FYB1: variants seen among roughly 807,000 people sequenced by gnomAD.
FYB1 encodes the protein FYN-binding protein 1.
FYB1 carries 41 observed loss-of-function variants against 94.1 expected under a neutral mutation model. The observed-to-expected ratio is 0.44, with a 90% CI of 0.34 to 0.57. The LOEUF (loss-of-function observed/expected upper bound fraction) is 0.57. Among genes scored for constraint, FYB1 ranks in the 20% least tolerant of loss-of-function variants. FYB1 has a pLI of 0.02. For missense variants in FYB1, 1,050 were observed against 976.8 expected, an observed-to-expected ratio of 1.07 and a Z score of -1.00; for synonymous variants, 367 against 353.2, an observed-to-expected ratio of 1.04 and a Z score of -0.44.
chr5:39,110,747 AT>A, intron 16 of FYB1: 1 of 329,364 alleles, frequency 3.0e-6, no homozygotes, highest in Non-Finnish European at 5.8e-6. Flanking sequence ...GTAAGCATAG[AT>A]TATAAAAGTC....
At chr5:39,114,744 A>G (rs775197504) in intron 16 of FYB1, among the ~76,000 whole-genome samples, 2 of 152,298 alleles carry the variant, frequency 1.3e-5, no homozygotes, top group Non-Finnish European at 2.9e-5. Context: ...TGTATGTCAG[A>G]CTTTCATCTG....
At position 39,183,862 on chromosome 5, in the gene FYB1, G is replaced by A. The variant is rs536073810; in HGVS notation, c.1135+17964C>T. Among the ~76,000 whole-genome samples the A allele has an allele frequency of 9.9e-5, 15 of 152,222 alleles. No homozygotes were observed. The East Asian group carries it at 2.9e-3, about 29-fold the overall frequency. On this transcript the variant is annotated intron_variant, in intron 2 of 18. Coordinates refer to ENST00000512982, the MANE Select transcript of FYB1 (RefSeq NM_001465.6). Reference sequence around the variant, plus strand: ...GATTCAGGAAGGGGGCTATGGTGGTGGTGGAATAAGGGCAGGAATCTTCAT... The same window carrying A: ...GATTCAGGAAGGGGGCTATGGTGGTAGTGGAATAAGGGCAGGAATCTTCAT...
intron 1 of FYB1, among the ~76,000 whole-genome samples, chr5:39,216,299 T>C (rs1413135631): frequency 6.6e-6 from 1 of 152,232 alleles, no homozygotes; most frequent in Non-Finnish European, 1.5e-5. Flanking sequence ...CATATATTTA[T>C]ATTAGCATAT....
rs975297864 is a variant in FYB1, at chr5:39,125,997, C to T, written c.2045+1G>A. ...ACTGGATTTGGTTGGTTGACTCTTA[C>T]GATGAACCTTCATTATTGTCTGAGT... is the stretch of plus-strand genomic sequence containing the variant. On this transcript the variant is annotated splice_donor_variant, in intron 12 of 18. Coordinates refer to ENST00000512982, the MANE Select transcript of FYB1 (RefSeq NM_001465.6). LOFTEE classifies it high-confidence loss of function. 3 of 1,612,826 alleles carry T rather than the reference C, an allele frequency of 1.9e-6. No individual in the cohort carries two copies. The highest frequency in any genetic ancestry group is 1.3e-5 in the African/African-American group (1 of 74,964).
intron 2 of FYB1, among the ~76,000 whole-genome samples, chr5:39,159,486 T>C (rs1744055603): frequency 6.6e-6 from 1 of 152,208 alleles, no homozygotes; most frequent in Non-Finnish European, 1.5e-5. Context: ...TTCTCAGGAC[T>C]GAGTCTCACT....
At chr5:39,170,393 T>C in intron 2 of FYB1, 1 of 657,826 alleles carries the variant, frequency 1.5e-6, no homozygotes, top group East Asian at 3.3e-5. Flanking sequence ...TGCACCGTGG[T>C]CTTGTCGCCG....
chr5:39,175,094 A>G (rs887095968), intron 2 of FYB1, among the ~76,000 whole-genome samples: 3 of 152,186 alleles, frequency 2.0e-5, no homozygotes, highest in Admixed American at 1.3e-4. Flanking sequence ...ATAAACAATA[A>G]GGAGGAGGGG....
chr5:39,152,298 G>GT (rs1370669380), intron 3 of FYB1, among the ~76,000 whole-genome samples: 1 of 152,066 alleles, frequency 6.6e-6, no homozygotes, highest in Non-Finnish European at 1.5e-5. Flanking sequence ...AAAAATGGTG[G>GT]TGTTTTTCCA....
At position 39,140,191 on chromosome 5, in the gene FYB1, T is replaced by C. The variant is rs539764405; in HGVS notation, c.1339+904A>G. 2.0e-5 allele frequency among the ~76,000 whole-genome samples: 3 copies of C among 152,328 alleles called. No individual in the cohort carries two copies. In the East Asian group the frequency reaches 5.8e-4, roughly 29 times the overall value. On this transcript the variant is annotated intron_variant, in intron 4 of 18. Transcript: ENST00000512982. ...TGAAGGACAGCATGGGCTAAGTTAATAGACAACTGACCGAATGGGAGAAGA... is the reference window on the plus strand; with the variant it reads ...TGAAGGACAGCATGGGCTAAGTTAACAGACAACTGACCGAATGGGAGAAGA...
chr5:39,138,464 CAG>C (rs2150325433), intron 6 of FYB1, 191 bp downstream of exon 6: 1 of 456,566 alleles, frequency 2.2e-6, no homozygotes, highest in East Asian at 3.7e-5. Flanking sequence ...AGCTTTTTAA[CAG>C]AGTCCTTTGT....
intron 2 of FYB1, among the ~76,000 whole-genome samples, chr5:39,185,595 TAC>T (rs1166788820): frequency 6.9e-6 from 1 of 145,270 alleles, no homozygotes; most frequent in Non-Finnish European, 1.5e-5. Context: ...TACATATATA[TAC>T]ATATATATAC....
chr5:39,192,359 A>T (rs1333754393), intron 2 of FYB1, among the ~76,000 whole-genome samples: 1 of 152,242 alleles, frequency 6.6e-6, no homozygotes, highest in African/African-American at 2.4e-5. Context: ...TGATCAAATT[A>T]GGTAAATCAT....
intron 1 of FYB1, among the ~76,000 whole-genome samples, chr5:39,213,485 T>G (rs951472278): frequency 3.3e-5 from 5 of 152,172 alleles, no homozygotes; most frequent in African/African-American, 1.2e-4. Flanking sequence ...TTGTCCTACT[T>G]ATGGTTGTGA....
At chr5:39,175,971 A>G (rs1269527510) in intron 2 of FYB1, among the ~76,000 whole-genome samples, 1 of 151,974 alleles carries the variant, frequency 6.6e-6, no homozygotes, top group Non-Finnish European at 1.5e-5. Flanking sequence ...CACTCATTTT[A>G]TAGCTGAGAT....
intron 1 of FYB1, among the ~76,000 whole-genome samples, chr5:39,257,017 T>G (rs1751970057): frequency 6.6e-6 from 1 of 152,250 alleles, no homozygotes; most frequent in East Asian, 1.9e-4. Context: ...TCACTAGATT[T>G]CACAGAAATA....
intron 3 of FYB1, among the ~76,000 whole-genome samples, chr5:39,144,838 A>G (rs1269533824): frequency 6.6e-6 from 1 of 152,128 alleles, no homozygotes; most frequent in Non-Finnish European, 1.5e-5. Flanking sequence ...AATACAAAAC[A>G]TATATGCCAA....
intron 1 of FYB1, among the ~76,000 whole-genome samples, chr5:39,231,163 A>AAAAAAAAAC (rs1554042765): frequency 3.6e-3 from 431 of 118,360 alleles, no homozygotes; most frequent in Non-Finnish European, 4.5e-3. Context: ...AAAAAAAAAC[A>AAAAAAAAAC]AAAAAAAACA....
intron 17 of FYB1, among the ~76,000 whole-genome samples, chr5:39,109,604 T>C (rs1469706415): frequency 1.3e-5 from 2 of 152,156 alleles, no homozygotes; most frequent in African/African-American, 2.4e-5. Flanking sequence ...TGTGTTTTTC[T>C]GATTGGTGTC....
rs78361437 is a variant in FYB1, at chr5:39,139,131, G to T, written c.1359+102C>A. 742 of 1,172,772 alleles carry T rather than the reference G, an allele frequency of 6.3e-4. 5 individuals carry two copies. In the African/African-American group the frequency reaches 0.011, roughly 17 times the overall value. 72.6% of individuals were successfully genotyped at this position (1,172,772 alleles called of 1,614,324 possible). A position where few individuals can be genotyped will look rare whatever the true frequency, so the allele number is the denominator to read the frequency against. On this transcript the variant is annotated intron_variant, in intron 5 of 18. Transcript: ENST00000512982. ...AATGGAAAAATATCATTGCTCATAA[G>T]GATTTTCATTTGTTTGTTTTGTACC...
Sources: allele counts gnomAD v4.1 joint callset (sites outside exome capture counted in the v4.1 genomes callset), GRCh38; gene constraint gnomAD v4.1.1; transcripts MANE v1.5; gene names NCBI Gene and HGNC (gene_info 2026-07-23, HGNC 2026-07-21).